EFHC1: variants seen among roughly 807,000 people sequenced by gnomAD.
The protein encoded by EFHC1 is EF-hand domain containing 1.
EFHC1 carries 53 observed loss-of-function variants against 69.9 expected under a neutral mutation model. The ratio of observed to expected loss-of-function variants is 0.76; its 90% confidence interval spans 0.61 to 0.95. The LOEUF is 0.95. EFHC1 is among the 40% of genes least tolerant of loss of function. The pLI, the probability that EFHC1 is intolerant of heterozygous loss-of-function variation, is 0.00. For missense variants in EFHC1, 739 were observed against 798.7 expected (o/e 0.93, Z 0.90); for synonymous variants, 256 against 278.4 (o/e 0.92, Z 0.80).
chr6:52,480,284 G>A, intron 9 of EFHC1: 1 of 197,718 alleles, frequency 5.1e-6, no homozygotes, highest in South Asian at 9.5e-5. Context: ...TTATCTTCGT[G>A]TTGAGTAGGC....
rs1429489801 is a variant in EFHC1 at position 52,492,367 on chromosome 6, A to G, written c.*26A>G. 1 of 1,601,312 alleles carries G rather than the reference A, an allele frequency of 6.2e-7. No individual in the cohort carries two copies. The highest frequency in any genetic ancestry group is 8.6e-7 in the Non-Finnish European group (1 of 1,168,920). Reference sequence around the variant, plus strand: ...CCTGCTGATGAGAAAATGCAAGACAATTTTTGATACTGGAACTATGCTTTG... The same window carrying G: ...CCTGCTGATGAGAAAATGCAAGACAGTTTTTGATACTGGAACTATGCTTTG... On this transcript the variant is annotated 3_prime_UTR_variant, in exon 11 of 11. Coordinates refer to ENST00000371068, the MANE Select transcript of EFHC1 (RefSeq NM_018100.4).
intron 1 of EFHC1, among the ~76,000 whole-genome samples, chr6:52,422,587 A>G (rs927387470): frequency 6.6e-6 from 1 of 152,120 alleles, no homozygotes. Context: ...GGATGTAGAA[A>G]GTTTTTTTCA....
chr6:52,463,509 C>T (rs1342791034), intron 5 of EFHC1, among the ~76,000 whole-genome samples: 4 of 151,952 alleles, frequency 2.6e-5, no homozygotes, highest in Non-Finnish European at 5.9e-5. Context: ...TAACACAAAC[C>T]CTTTTAGAGA....
intron 10 of EFHC1, among the ~76,000 whole-genome samples, chr6:52,491,989 C>A (rs918918675): frequency 7.2e-5 from 11 of 152,202 alleles, no homozygotes; most frequent in Non-Finnish European, 1.0e-4. Context: ...ACTCATAGAG[C>A]CTCCAGTGGT....
intron 9 of EFHC1, chr6:52,484,011 GAGA>G (rs1393692832): frequency 6.6e-6 from 1 of 152,316 alleles, no homozygotes; most frequent in East Asian, 1.9e-4. Context: ...GTGAAGTCAG[GAGA>G]AGTTTTTGTT....
At chr6:52,463,013 T>C (rs889311051) in intron 5 of EFHC1, among the ~76,000 whole-genome samples, 1 of 149,588 alleles carries the variant, frequency 6.7e-6, no homozygotes, top group African/African-American at 2.5e-5. Flanking sequence ...TTGTTTTGTT[T>C]TTGTTTGTTT....
chr6:52,426,023 C>T (rs1764293319), intron 2 of EFHC1, among the ~76,000 whole-genome samples: 1 of 152,180 alleles, frequency 6.6e-6, no homozygotes, highest in South Asian at 2.1e-4. Context: ...CTCTTTATTT[C>T]TGATGTTCTT....
intron 3 of EFHC1, among the ~76,000 whole-genome samples, chr6:52,440,650 C>A (rs996227259): frequency 6.6e-5 from 10 of 152,036 alleles, no homozygotes; most frequent in Admixed American, 6.6e-4. Flanking sequence ...GGTATATACC[C>A]AATAATGAGA....
chr6:52,450,617 G>A (rs1308051763), intron 3 of EFHC1, among the ~76,000 whole-genome samples: 1 of 151,962 alleles, frequency 6.6e-6, no homozygotes, highest in African/African-American at 2.4e-5. Flanking sequence ...CTGAAATTAG[G>A]ACTGCAACCC....
chr6:52,479,062 A>C lies in EFHC1; in HGVS notation c.1304A>C (p.Asp435Ala). ...GAATCCCCCATCCCAGAAGACAAAGACCGCAGATTTGTCTTCTCTTACTTT... is the reference window on the plus strand; with the variant it reads ...GAATCCCCCATCCCAGAAGACAAAGCCCGCAGATTTGTCTTCTCTTACTTT... ...VLESPIPEDK[D>A]RRFVFSYFLA... Residue 435 changes from aspartate to alanine, a missense_variant, in exon 8 of 11, where the codon GAC (aspartate) becomes GCC (alanine). Transcript: ENST00000371068. The C allele has an allele frequency of 6.2e-7, 1 of 1,613,986 alleles. No individual in the cohort carries two copies. Among genetic ancestry groups the C allele is most frequent in the South Asian group, 1.1e-5 (1 of 91,076 alleles).
intron 9 of EFHC1, chr6:52,482,437 A>G (rs1006448585): frequency 1.1e-5 from 2 of 183,478 alleles, no homozygotes; most frequent in African/African-American, 4.7e-5. Context: ...TACTTAGCAC[A>G]TTGTAATTTA....
chr6:52,487,853 CCT>C (rs1044377497), intron 9 of EFHC1: 8 of 152,376 alleles, frequency 5.3e-5, no homozygotes, highest in African/African-American at 1.4e-4. Context: ...CCAGCTGGCC[CCT>C]CTGTTTTCTT....
At position 52,475,998 on chromosome 6, in the gene EFHC1, C is replaced by T. The variant is rs141468521; in HGVS notation, c.1279-3039C>T. ...AGGTCATAGCAGAGCAGAAACCAAACGAATAGCTGAGGGAGCCAGCCAGGG... is the reference window on the plus strand; with the variant it reads ...AGGTCATAGCAGAGCAGAAACCAAATGAATAGCTGAGGGAGCCAGCCAGGG... On this transcript the variant is annotated intron_variant, in intron 7 of 10. Coordinates refer to ENST00000371068, the MANE Select transcript of EFHC1 (RefSeq NM_018100.4). Among the ~76,000 whole-genome samples the T allele has an allele frequency of 3.5e-3, 531 of 152,190 alleles. 3 individuals are homozygous for T. Among genetic ancestry groups the T allele is most frequent in the African/African-American group, 0.012 (499 of 41,516 alleles).
At chr6:52,490,068 A>C in intron 9 of EFHC1, 72 bp from the exon 10 acceptor site, 1 of 1,388,210 alleles carries the variant, frequency 7.2e-7, no homozygotes, top group South Asian at 1.2e-5. Context: ...ATCAAGTAAG[A>C]ACTTTGGTCA....
chr6:52,467,664 A>G (rs1290845309), intron 6 of EFHC1, among the ~76,000 whole-genome samples: 1 of 152,206 alleles, frequency 6.6e-6, no homozygotes, highest in Non-Finnish European at 1.5e-5. Context: ...GTTTTGCTCT[A>G]TCCCAGCCCT....
At chr6:52,459,837 G>A (rs1403997148) in intron 5 of EFHC1, among the ~76,000 whole-genome samples, 1 of 152,068 alleles carries the variant, frequency 6.6e-6, no homozygotes. Context: ...ACTACGCCCG[G>A]CTAATTTTTT....
chr6:52,492,430 G>A lies in EFHC1; in HGVS notation c.*89G>A. 1.5e-6 allele frequency: 2 copies of A among 1,308,428 alleles called. No homozygotes were observed. The highest frequency in any genetic ancestry group is 2.2e-6 in the Non-Finnish European group (2 of 919,868). 81.1% of individuals were successfully genotyped at this position (1,308,428 alleles called of 1,614,324 possible). A position where few individuals can be genotyped will look rare whatever the true frequency, so the allele number is the denominator to read the frequency against. ...CACTCTTCATAGAGGCATTTACAGG[G>A]TTCCTGAAGTTTTATTTCTGTTTTG... On this transcript the variant is annotated 3_prime_UTR_variant, in exon 11 of 11. Coordinates refer to ENST00000371068, the MANE Select transcript of EFHC1 (RefSeq NM_018100.4).
At chr6:52,460,624 A>T (rs1369615490) in intron 5 of EFHC1, among the ~76,000 whole-genome samples, 1 of 152,222 alleles carries the variant, frequency 6.6e-6, no homozygotes, top group Non-Finnish European at 1.5e-5. Context: ...AGCAGCTCCA[A>T]AGAAAAAGGT....
intron 3 of EFHC1, among the ~76,000 whole-genome samples, chr6:52,443,450 G>A (rs1177490752): frequency 1.3e-5 from 2 of 152,142 alleles, no homozygotes; most frequent in Non-Finnish European, 2.9e-5. Flanking sequence ...AATCCATCTT[G>A]AATTAATTTT....
Sources: gnomAD v4.1 joint callset for allele counts (sites outside exome capture counted in the v4.1 genomes callset) on GRCh38, gnomAD v4.1.1 for gene constraint, MANE v1.5 for transcripts, NCBI Gene and HGNC (gene_info 2026-07-23, HGNC 2026-07-21) for gene names.